AOPEP: variants seen among roughly 807,000 people sequenced by gnomAD.
AOPEP encodes aminopeptidase O.
Under a neutral mutation model 98.1 loss-of-function variants are expected in AOPEP, and 77 were observed. That is an observed-to-expected ratio of 0.78 (90% CI 0.65 to 0.95). The LOEUF (loss-of-function observed/expected upper bound fraction) is 0.95, where lower values mean the gene tolerates loss of function less well. Among genes scored for constraint, AOPEP ranks in the 40% least tolerant of loss-of-function variants. The pLI is 0.00. For missense variants in AOPEP, 1,024 were observed against 1,024.7 expected, an observed-to-expected ratio of 1.00 and a Z score of 0.01; for synonymous variants, 346 against 365.3, an observed-to-expected ratio of 0.95 and a Z score of 0.60.
intron 3 of AOPEP, among the ~76,000 whole-genome samples, chr9:94,777,184 C>G (rs1842297019): frequency 6.6e-6 from 1 of 152,016 alleles, no homozygotes; most frequent in African/African-American, 2.4e-5. Context: ...CCTGTAATCC[C>G]AGCACTTCGG....
intron 13 of AOPEP, among the ~76,000 whole-genome samples, chr9:95,042,535 G>A (rs1020560379): frequency 6.6e-6 from 1 of 152,142 alleles, no homozygotes; most frequent in African/African-American, 2.4e-5. Flanking sequence ...CTGGAGGTCA[G>A]AAGTCCAACA....
intron 13 of AOPEP, among the ~76,000 whole-genome samples, chr9:95,006,626 C>CT (rs1360432145): frequency 9.2e-5 from 14 of 152,110 alleles, no homozygotes; most frequent in Non-Finnish European, 1.5e-5. Context: ...TGTAGCTGGA[C>CT]TTTCAGTGTG....
In AOPEP at chr9:94,729,443, G is replaced by A. The variant is rs952839540; in HGVS notation, c.-136+2692G>A. ...AAATTAGCCAGGCATGATGGCATATGCCTGTAGTCTCAGGTACTTGGGGGA... is the reference window on the plus strand; with the variant it reads ...AAATTAGCCAGGCATGATGGCATATACCTGTAGTCTCAGGTACTTGGGGGA... On this transcript the variant is annotated intron_variant, in intron 1 of 16. Coordinates refer to ENST00000375315, the MANE Select transcript of AOPEP (RefSeq NM_001193329.3). Among the ~76,000 whole-genome samples the A allele has an allele frequency of 7.2e-5, 11 of 152,146 alleles. 2 individuals carry two copies. Among genetic ancestry groups the A allele is most frequent in the Admixed American group, 2.0e-4 (3 of 15,276 alleles).
At chr9:94,923,419 G>A (rs879381097) in intron 5 of AOPEP, among the ~76,000 whole-genome samples, 10 of 152,124 alleles carry the variant, frequency 6.6e-5, no homozygotes, top group Non-Finnish European at 1.5e-4. Flanking sequence ...ACACGGTCTC[G>A]GCCTTTATTC....
intron 5 of AOPEP, among the ~76,000 whole-genome samples, chr9:94,834,286 G>C (rs1449622617): frequency 6.6e-6 from 1 of 152,204 alleles, no homozygotes; most frequent in Non-Finnish European, 1.5e-5. Flanking sequence ...GGAAAAGAGA[G>C]AGAGATTGGG....
At chr9:94,958,502 C>T (rs1374195227) in intron 9 of AOPEP, among the ~76,000 whole-genome samples, 1 of 152,220 alleles carries the variant, frequency 6.6e-6, no homozygotes, top group Non-Finnish European at 1.5e-5. Flanking sequence ...TTTACATTCC[C>T]ACCAGAAATG....
intron 5 of AOPEP, among the ~76,000 whole-genome samples, chr9:94,805,692 C>T (rs554653409): frequency 2.6e-4 from 40 of 152,254 alleles, no homozygotes; most frequent in Admixed American, 7.8e-4. Context: ...ATACTAGTTC[C>T]TGACTATTGC....
At chr9:94,943,297 A>G (rs2057219954) in intron 7 of AOPEP, among the ~76,000 whole-genome samples, 1 of 152,242 alleles carries the variant, frequency 6.6e-6, no homozygotes, top group Admixed American at 6.5e-5. Context: ...ACCCAATTAA[A>G]AAATGGTCAG....
intron 13 of AOPEP, among the ~76,000 whole-genome samples, chr9:95,059,298 G>A (rs1375871995): frequency 1.3e-5 from 2 of 152,152 alleles, no homozygotes; most frequent in Non-Finnish European, 2.9e-5. Context: ...CAGATGAAGC[G>A]ATGTCATGAA....
At chr9:95,056,752 T>G (rs1170544999) in intron 13 of AOPEP, among the ~76,000 whole-genome samples, 1 of 152,234 alleles carries the variant, frequency 6.6e-6, no homozygotes, top group Non-Finnish European at 1.5e-5. Context: ...TGTACAGTTC[T>G]TAGTATTTAG....
At chr9:94,902,150 A>G (rs957211620) in intron 5 of AOPEP, among the ~76,000 whole-genome samples, 2 of 152,188 alleles carry the variant, frequency 1.3e-5, no homozygotes, top group African/African-American at 4.8e-5. Flanking sequence ...CTGAGTGTTT[A>G]AGCAGGGAGG....
rs188571112 is a variant in AOPEP at position 94,912,994 on chromosome 9, C to T, written c.1365-10992C>T. Among the ~76,000 whole-genome samples, 321 of 152,372 alleles carry T rather than the reference C, an allele frequency of 2.1e-3. 1 individual carries two copies. The highest frequency in any genetic ancestry group is 4.0e-3 in the Non-Finnish European group (273 of 68,040). On this transcript the variant is annotated intron_variant, in intron 5 of 16. Transcript: ENST00000375315. ...CCAGTGTTCATTGTATTTTTTGTTA[C>T]TTGCAGCTGAATACATTCCAAACAG...
At chr9:94,737,302 G>T (rs747524434) in intron 1 of AOPEP, among the ~76,000 whole-genome samples, 1 of 152,012 alleles carries the variant, frequency 6.6e-6, no homozygotes, top group East Asian at 1.9e-4. Flanking sequence ...AGAGATGGGG[G>T]TCTTGCTATA....
intron 1 of AOPEP, among the ~76,000 whole-genome samples, chr9:94,738,371 T>A (rs897739663): frequency 2.0e-5 from 3 of 152,146 alleles, no homozygotes; most frequent in African/African-American, 7.2e-5. Flanking sequence ...CTCCTGGCCT[T>A]CCACTCTCTG....
rs575055117 is a variant in AOPEP, at chr9:94,988,689, G to A, written c.1977+9262G>A. On this transcript the variant is annotated intron_variant, in intron 11 of 16. Coordinates refer to ENST00000375315, the MANE Select transcript of AOPEP (RefSeq NM_001193329.3). ...GGTTTTAATAATAGGATCAAGCTGG[G>A]TTCTTGCTGGAAGTCTAGCTCTGCA... Among the ~76,000 whole-genome samples the A allele has an allele frequency of 3.9e-4, 59 of 152,244 alleles. 1 individual carries two copies. The highest frequency in any genetic ancestry group is 6.8e-3 in the Middle Eastern group (2 of 294).
At chr9:94,745,276 T>A (rs1033664936) in intron 1 of AOPEP, among the ~76,000 whole-genome samples, 3 of 150,138 alleles carry the variant, frequency 2.0e-5, no homozygotes, top group Non-Finnish European at 4.4e-5. Context: ...TCAATTGTTT[T>A]AATTTTTTTT....
At chr9:94,931,878 C>T in intron 7 of AOPEP, 1 of 1,294,820 alleles carries the variant, frequency 7.7e-7, no homozygotes, top group Non-Finnish European at 1.1e-6. Flanking sequence ...GCCTCTGTGG[C>T]CAGTCCTTCC....
At chr9:95,068,677 T>TC (rs2068162042) in intron 14 of AOPEP, among the ~76,000 whole-genome samples, 1 of 152,200 alleles carries the variant, frequency 6.6e-6, no homozygotes, top group South Asian at 2.1e-4. Context: ...TTGTTGAAAA[T>TC]CATTGCCAGG....
intron 14 of AOPEP, among the ~76,000 whole-genome samples, chr9:95,073,449 T>G (rs886254541): frequency 4.0e-5 from 6 of 149,484 alleles, no homozygotes; most frequent in Non-Finnish European, 5.9e-5. Context: ...CAGTCAGCAT[T>G]TTAAAAAAAG....
Sources: allele counts gnomAD v4.1 joint callset (sites outside exome capture counted in the v4.1 genomes callset), GRCh38; gene constraint gnomAD v4.1.1; transcripts MANE v1.5; gene names NCBI Gene and HGNC (gene_info 2026-07-23, HGNC 2026-07-21).